Variants in PDLIM5 observed in about 807,000 individuals in gnomAD.
PDLIM5 encodes PDZ and LIM domain protein 5.
Under a neutral mutation model 64.2 loss-of-function variants are expected in PDLIM5, and 34 were observed. That is an observed-to-expected ratio of 0.53 (90% CI 0.40 to 0.71). PDLIM5 has a LOEUF of 0.71. Among genes scored for constraint, PDLIM5 ranks in the 30% least tolerant of loss-of-function variants. The pLI, the probability that PDLIM5 is intolerant of heterozygous loss-of-function variation, is 0.00. For missense variants in PDLIM5, 683 were observed against 733.6 expected, an observed-to-expected ratio of 0.93 and a Z score of 0.80; for synonymous variants, 253 against 269.1, an observed-to-expected ratio of 0.94 and a Z score of 0.59.
At chr4:94,564,673 T>TTTTTTTTTTTTTTG (rs1195951922) in intron 3 of PDLIM5, among the ~76,000 whole-genome samples, 40 of 144,914 alleles carry the variant, frequency 2.8e-4, no homozygotes, top group African/African-American at 1.1e-3. Flanking sequence ...TTTTTTTTTT[T>TTTTTTTTTTTTTTG]TTGACAGAGT....
At chr4:94,522,682 A>T in intron 2 of PDLIM5, among the ~76,000 whole-genome samples, 1 of 152,180 alleles carries the variant, frequency 6.6e-6, no homozygotes, top group East Asian at 1.9e-4. Context: ...GCATTCACTG[A>T]ATATAGTCAC....
intron 9 of PDLIM5, among the ~76,000 whole-genome samples, chr4:94,652,503 C>T (rs959480459): frequency 1.3e-5 from 2 of 152,154 alleles, no homozygotes; most frequent in African/African-American, 4.8e-5. Context: ...CCTGGTTTAT[C>T]TTTGCTGATA....
At chr4:94,468,809 G>C (rs113792068) in intron 2 of PDLIM5, among the ~76,000 whole-genome samples, 1,807 of 152,274 alleles carry the variant, frequency 0.012, 40 homozygotes, top group African/African-American at 0.041. Flanking sequence ...ATGGTTTTCT[G>C]AATGACACAT....
chr4:94,628,667 A>C (rs1739894335), intron 8 of PDLIM5, among the ~76,000 whole-genome samples: 1 of 152,164 alleles, frequency 6.6e-6, no homozygotes, highest in East Asian at 1.9e-4. Flanking sequence ...AATTGGTGGG[A>C]AAATGGTAAA....
At position 94,481,225 on chromosome 4, in the gene PDLIM5, C is replaced by A. The variant is rs142122666; in HGVS notation, c.96+25841C>A. On this transcript the variant is annotated intron_variant, in intron 2 of 12. Transcript: ENST00000317968. The stretch of plus-strand genomic sequence containing the variant: ...TTCAATATTTTCAAACTCTGGAATT[C>A]ATCTGGAATTAATTTTTGTGTGGGG... 9.3e-5 allele frequency among the ~76,000 whole-genome samples: 14 copies of A among 151,098 alleles called. No homozygotes were observed. The East Asian group carries it at 2.7e-3, about 29-fold the overall frequency.
rs1430727123 is a variant in PDLIM5 at position 94,662,542 on chromosome 4, G to T, written c.1701+5G>T. ...GACACTTGCTTTGTATGCTCAGTAA[G>T]TAGAGTCTTATTTCCTAATTAAAGG... is the stretch of plus-strand genomic sequence containing the variant. On this transcript the variant is annotated splice_donor_5th_base_variant and intron_variant, in intron 12 of 12. Coordinates refer to ENST00000317968, the MANE Select transcript of PDLIM5 (RefSeq NM_006457.5). The T allele has an allele frequency of 7.1e-7, 1 of 1,410,970 alleles. No individual in the cohort carries two copies. The highest frequency in any genetic ancestry group is 1.0e-6 in the Non-Finnish European group (1 of 994,650). 87.4% of individuals were successfully genotyped at this position (1,410,970 alleles called of 1,614,324 possible). A position where few individuals can be genotyped will look rare whatever the true frequency, so the allele number is the denominator to read the frequency against.
chr4:94,600,318 T>C (rs889720745), intron 7 of PDLIM5, among the ~76,000 whole-genome samples: 1 of 152,136 alleles, frequency 6.6e-6, no homozygotes, highest in Non-Finnish European at 1.5e-5. Context: ...GGCTAGTGAG[T>C]GTGTAGCCAC....
chr4:94,544,010 A>G (rs745755613), intron 3 of PDLIM5, among the ~76,000 whole-genome samples: 3 of 152,154 alleles, frequency 2.0e-5, no homozygotes, highest in East Asian at 1.9e-4. Context: ...ACAGTTTTCC[A>G]TAATGGTTGT....
intron 5 of PDLIM5, among the ~76,000 whole-genome samples, chr4:94,585,209 G>A (rs951063945): frequency 6.6e-6 from 1 of 152,044 alleles, no homozygotes; most frequent in African/African-American, 2.4e-5. Flanking sequence ...TCCTGCGTCA[G>A]CCTCCCCAGT....
chr4:94,603,625 G>A (rs1033849105), intron 7 of PDLIM5, among the ~76,000 whole-genome samples: 14 of 152,178 alleles, frequency 9.2e-5, no homozygotes, highest in Non-Finnish European at 1.5e-4. Flanking sequence ...GATCCACACC[G>A]CCTCCCATCT....
chr4:94,559,246 T>A (rs1367827784), intron 3 of PDLIM5, among the ~76,000 whole-genome samples: 1 of 152,230 alleles, frequency 6.6e-6, no homozygotes, highest in African/African-American at 2.4e-5. Flanking sequence ...ATCTAGGTTA[T>A]AACAGATGTT....
At chr4:94,560,782 G>A (rs1432081257) in intron 3 of PDLIM5, among the ~76,000 whole-genome samples, 1 of 152,114 alleles carries the variant, frequency 6.6e-6, no homozygotes, top group African/African-American at 2.4e-5. Flanking sequence ...GGCTGGGTGT[G>A]GTGGTACAAT....
intron 3 of PDLIM5, among the ~76,000 whole-genome samples, chr4:94,564,934 G>T (rs747302127): frequency 6.6e-6 from 1 of 152,136 alleles, no homozygotes; most frequent in Non-Finnish European, 1.5e-5. Context: ...GGGATTACAG[G>T]CATGAGCCGC....
rs1286297720 is a variant in PDLIM5, at chr4:94,586,853, A to C, written c.920+409A>C. On this transcript the variant is annotated intron_variant, in intron 7 of 12. Transcript: ENST00000317968. ...CTACCCTTAAAATTTTTGCCACTTA[A>C]TAAAACAGCTATGTGAAATTAAGCT... 2.7e-5 allele frequency: 22 copies of C among 829,376 alleles called. No individual in the cohort carries two copies. The East Asian group carries it at 6.3e-4, about 24-fold the overall frequency. 51.4% of individuals were successfully genotyped at this position (829,376 alleles called of 1,614,324 possible).
chr4:94,517,423 CA>C (rs1222875344), intron 2 of PDLIM5, among the ~76,000 whole-genome samples: 1 of 152,150 alleles, frequency 6.6e-6, no homozygotes, highest in Non-Finnish European at 1.5e-5. Flanking sequence ...TATTTTAAAA[CA>C]AAATTCAAGA....
chr4:94,514,496 G>A (rs1027896724), intron 2 of PDLIM5, among the ~76,000 whole-genome samples: 2 of 152,148 alleles, frequency 1.3e-5, no homozygotes, highest in Non-Finnish European at 2.9e-5. Flanking sequence ...TTGGCCTGCA[G>A]TTTTCTTTTT....
intron 2 of PDLIM5, among the ~76,000 whole-genome samples, chr4:94,508,356 C>A (rs1265124559): frequency 1.3e-5 from 2 of 152,060 alleles, no homozygotes; most frequent in Non-Finnish European, 1.5e-5. Context: ...AAAAAAGGTA[C>A]AGGAAACTTA....
intron 3 of PDLIM5, among the ~76,000 whole-genome samples, chr4:94,540,184 G>A (rs562800135): frequency 2.2e-3 from 328 of 149,722 alleles, no homozygotes; most frequent in South Asian, 0.018. Flanking sequence ...AGGCTGGAGT[G>A]CAGTGGCGCG....
chr4:94,585,194 G>A (rs558976651), intron 5 of PDLIM5, among the ~76,000 whole-genome samples: 2 of 152,074 alleles, frequency 1.3e-5, no homozygotes, highest in Non-Finnish European at 2.9e-5. Context: ...AGGTTCAAGC[G>A]ATTCTCCTGC....
Sources: allele counts gnomAD v4.1 joint callset (sites outside exome capture counted in the v4.1 genomes callset), GRCh38; gene constraint gnomAD v4.1.1; transcripts MANE v1.5; gene names NCBI Gene and HGNC (gene_info 2026-07-23, HGNC 2026-07-21).